The following CDH13 variants were observed in gnomAD, a reference collection of about 807,000 sequenced individuals.
The protein encoded by CDH13 is cadherin-13.
CDH13 carries 24 observed loss-of-function variants against 63.8 expected under a neutral mutation model. The ratio of observed to expected loss-of-function variants is 0.38; its 90% confidence interval spans 0.27 to 0.53. The LOEUF (loss-of-function observed/expected upper bound fraction) is 0.53. Among genes scored for constraint, CDH13 ranks in the 20% least tolerant of loss-of-function variants. The pLI, the probability that CDH13 is intolerant of heterozygous loss-of-function variation, is 0.85. For missense variants in CDH13, 1,049 were observed against 903.1 expected, an observed-to-expected ratio of 1.16 and a Z score of -2.07; for synonymous variants, 503 against 355.3, an observed-to-expected ratio of 1.42 and a Z score of -4.67.
rs765598033 is a variant in CDH13 at position 83,602,438 on chromosome 16, T to C, written c.961-16T>C. ...ATCTAAATGTCATATTATTTCTTTGTGCTTGTGCTTTGTAGACTCTGGAAA... is the reference window on the plus strand; with the variant it reads ...ATCTAAATGTCATATTATTTCTTTGCGCTTGTGCTTTGTAGACTCTGGAAA... On this transcript the variant is annotated splice_polypyrimidine_tract_variant and intron_variant, in intron 7 of 13. Transcript: ENST00000567109. The C allele has an allele frequency of 3.1e-6, 5 of 1,613,820 alleles. No individual in the cohort carries two copies. The highest frequency in any genetic ancestry group is 3.3e-5 in the Admixed American group (2 of 60,026).
At chr16:83,520,575 C>G (rs1026111869) in intron 7 of CDH13, among the ~76,000 whole-genome samples, 3 of 152,158 alleles carry the variant, frequency 2.0e-5, no homozygotes, top group African/African-American at 7.2e-5. Context: ...TGCATGGATC[C>G]ACTCTATGGT....
chr16:82,837,823 T>C (rs1172743732), intron 1 of CDH13, among the ~76,000 whole-genome samples: 1 of 152,186 alleles, frequency 6.6e-6, no homozygotes, highest in Non-Finnish European at 1.5e-5. Context: ...AACCGAATAG[T>C]TCATACAAAC....
intron 2 of CDH13, among the ~76,000 whole-genome samples, chr16:82,914,827 A>C (rs2041936775): frequency 1.3e-5 from 2 of 152,212 alleles, no homozygotes; most frequent in Admixed American, 1.3e-4. Context: ...GCAGTTCATT[A>C]ATCAGACTCT....
chr16:83,325,052 C>G (rs575529935), intron 5 of CDH13, among the ~76,000 whole-genome samples: 2 of 152,336 alleles, frequency 1.3e-5, no homozygotes, highest in South Asian at 4.1e-4. Context: ...TCCCCATGAA[C>G]TTCCATCAGA....
intron 5 of CDH13, among the ~76,000 whole-genome samples, chr16:83,232,229 A>T (rs868724288): frequency 5.3e-5 from 3 of 56,614 alleles, no homozygotes; most frequent in African/African-American, 2.1e-4. Flanking sequence ...TTTTTTTTTA[A>T]AAAAAAAAAA....
intron 7 of CDH13, among the ~76,000 whole-genome samples, chr16:83,601,766 T>C (rs2150749806): frequency 6.6e-6 from 1 of 152,202 alleles, no homozygotes; most frequent in Non-Finnish European, 1.5e-5. Flanking sequence ...CTTCCTGAGG[T>C]CTCTGAAATA....
intron 4 of CDH13, chr16:83,171,681 C>G (rs997513138): frequency 2.3e-6 from 2 of 859,150 alleles, no homozygotes; most frequent in South Asian, 2.9e-5. Context: ...ATAGCATGCT[C>G]TTTGGCAGGC....
chr16:82,940,310 C>T (rs987581134), intron 2 of CDH13, among the ~76,000 whole-genome samples: 1 of 152,046 alleles, frequency 6.6e-6, no homozygotes, highest in African/African-American at 2.4e-5. Context: ...TCAGTTTTTC[C>T]ACCTGTAAAA....
chr16:83,783,365 G>C lies in CDH13; in HGVS notation c.2027G>C (p.Arg676Thr), dbSNP rs758102018. The C allele has an allele frequency of 6.2e-7, 1 of 1,614,010 alleles. No individual in the cohort carries two copies. The highest frequency in any genetic ancestry group is 8.5e-7 in the Non-Finnish European group (1 of 1,179,884). The change falls in exon 13 of 14, where the codon AGG becomes ACG. Residue 676 changes from arginine (R) to threonine (T), a missense_variant. Transcript: ENST00000567109. ...CCCATGACGAATATCACAGATCTCAGGGTACAAGTGTGCTCCTGCAGGAAT... is the reference window on the plus strand; with the variant it reads ...CCCATGACGAATATCACAGATCTCACGGTACAAGTGTGCTCCTGCAGGAAT... ...KPPMTNITDL[R>T]VQVCSCRNSK...
chr16:82,867,425 T>G (rs1480675187), intron 2 of CDH13, among the ~76,000 whole-genome samples: 1 of 152,192 alleles, frequency 6.6e-6, no homozygotes, highest in Non-Finnish European at 1.5e-5. Flanking sequence ...GTCTCTGTAT[T>G]ATAGAAGAAT....
chr16:83,749,613 G>A (rs755659126), intron 11 of CDH13, among the ~76,000 whole-genome samples: 1 of 152,212 alleles, frequency 6.6e-6, no homozygotes, highest in Non-Finnish European at 1.5e-5. Context: ...ACTTCTTGAG[G>A]AGGAAACTGA....
chr16:83,253,604 C>G (rs1184108246), intron 5 of CDH13, among the ~76,000 whole-genome samples: 1 of 152,220 alleles, frequency 6.6e-6, no homozygotes, highest in Non-Finnish European at 1.5e-5. Flanking sequence ...GGGTGCTTTG[C>G]AAGCCTGGTT....
intron 2 of CDH13, among the ~76,000 whole-genome samples, chr16:82,950,698 G>C (rs961472010): frequency 2.0e-5 from 3 of 152,006 alleles, no homozygotes; most frequent in Non-Finnish European, 4.4e-5. Flanking sequence ...ACTAATACAG[G>C]ATACCAGTGA....
chr16:83,283,694 C>T (rs996113669), intron 5 of CDH13, among the ~76,000 whole-genome samples: 1 of 152,134 alleles, frequency 6.6e-6, no homozygotes, highest in Non-Finnish European at 1.5e-5. Flanking sequence ...CCCTGAGGTG[C>T]CTTTTCCCTT....
rs151168099 is a variant in CDH13, at chr16:83,754,427, A to G, written c.1681+6177A>G. Among the ~76,000 whole-genome samples the G allele has an allele frequency of 1.7e-3, 266 of 152,232 alleles. 1 individual carries two copies. The highest frequency in any genetic ancestry group is 6.0e-3 in the African/African-American group (250 of 41,544). ...TTGACTCAGTCTTGTTCAACTTGCA[A>G]TGCGGCCTGACCCTTTTCAAGCCCT... is the stretch of plus-strand genomic sequence containing the variant. On this transcript the variant is annotated intron_variant, in intron 11 of 13. Transcript: ENST00000567109.
intron 10 of CDH13, among the ~76,000 whole-genome samples, chr16:83,738,417 T>G (rs905661932): frequency 5.3e-5 from 8 of 152,214 alleles, no homozygotes; most frequent in African/African-American, 1.7e-4. Context: ...GGAAGTGGAT[T>G]AGGGTGATTT....
intron 4 of CDH13, among the ~76,000 whole-genome samples, chr16:83,216,027 C>CT (rs2039495774): frequency 6.6e-6 from 1 of 151,330 alleles, no homozygotes; most frequent in Non-Finnish European, 1.5e-5. Context: ...CAGCCTAACC[C>CT]TCTACATGCT....
intron 6 of CDH13, among the ~76,000 whole-genome samples, chr16:83,345,692 G>A (rs950744003): frequency 2.0e-5 from 3 of 152,118 alleles, no homozygotes; most frequent in African/African-American, 7.2e-5. Context: ...ACAGCCAGCA[G>A]CTGAAGTCAC....
chr16:83,168,002 T>C (rs1041336270), intron 4 of CDH13, among the ~76,000 whole-genome samples: 3 of 151,914 alleles, frequency 2.0e-5, no homozygotes, highest in African/African-American at 7.3e-5. Flanking sequence ...AAACAGTGAA[T>C]ACTCACGGAC....
Sources: gnomAD v4.1 joint callset for allele counts (sites outside exome capture counted in the v4.1 genomes callset) on GRCh38, gnomAD v4.1.1 for gene constraint, MANE v1.5 for transcripts, NCBI Gene and HGNC (gene_info 2026-07-23, HGNC 2026-07-21) for gene names.